Variants in QSOX2 observed in about 807,000 individuals in gnomAD.
The protein encoded by QSOX2 is quiescin sulfhydryl oxidase 2.
QSOX2 carries 46 observed loss-of-function variants against 61.7 expected under a neutral mutation model. That is an observed-to-expected ratio of 0.75 (90% CI 0.59 to 0.95). The LOEUF (loss-of-function observed/expected upper bound fraction) is 0.95, where lower values mean the gene tolerates loss of function less well. Ranked by LOEUF, QSOX2 falls within the 40% of genes least tolerant of loss-of-function variation. QSOX2 has a pLI of 0.00. For synonymous variants in QSOX2, 383 were observed against 388.4 expected (o/e 0.99, Z 0.16); for missense variants, 879 against 918.9 (o/e 0.96, Z 0.56).
At chr9:136,233,208 G>A (rs1258990196) in intron 1 of QSOX2, among the ~76,000 whole-genome samples, 1 of 152,202 alleles carries the variant, frequency 6.6e-6, no homozygotes, top group Non-Finnish European at 1.5e-5. Context: ...TCTTCTGGTT[G>A]CACGAGAAGG....
At position 136,223,964 on chromosome 9, in the gene QSOX2, T is replaced by G. The variant is rs541431401; in HGVS notation, c.584+43A>C. 1 of 1,590,174 alleles carries G rather than the reference T, an allele frequency of 6.3e-7. No individual in the cohort carries two copies. The highest frequency in any genetic ancestry group is 1.1e-5 in the South Asian group (1 of 90,414). On this transcript the variant is annotated intron_variant, in intron 4 of 11. Transcript: ENST00000358701. This position sits in a 1 kb window ranked among gnomAD's most constrained non-coding sequence, Gnocchi z 4.4. The stretch of plus-strand genomic sequence containing the variant: ...AAACCTATTACGTTTCTTGCACAGT[T>G]CAACACGAGTCTAACGGCCGCCTTC...
chr9:136,235,991 G>A (rs908909166), intron 1 of QSOX2, among the ~76,000 whole-genome samples: 20 of 152,314 alleles, frequency 1.3e-4, no homozygotes, highest in Middle Eastern at 3.4e-3. Flanking sequence ...CGCAGCCACC[G>A]TAGCTGAGGG....
At chr9:136,242,649 C>T (rs186156988) in intron 1 of QSOX2, among the ~76,000 whole-genome samples, 48 of 152,396 alleles carry the variant, frequency 3.1e-4, no homozygotes, top group African/African-American at 8.2e-4. Flanking sequence ...GACAGCTCCA[C>T]GCAGGGATGA....
chr9:136,218,317 C>T (rs573466556), intron 8 of QSOX2, among the ~76,000 whole-genome samples: 2 of 152,244 alleles, frequency 1.3e-5, no homozygotes, highest in Non-Finnish European at 2.9e-5. Flanking sequence ...CTCCCTCTCT[C>T]TCTCCCCCCA....
Position 136,223,708 on chromosome 9 carries a change from C to T in QSOX2, c.675+55G>A. On this transcript the variant is annotated intron_variant, in intron 5 of 11. Coordinates refer to ENST00000358701, the MANE Select transcript of QSOX2 (RefSeq NM_181701.4). The surrounding 1 kb of genome is among the most constrained non-coding windows in gnomAD (Gnocchi z 4.4). Reference sequence around the variant, plus strand: ...ACCTGCAAATCTCATCACAGATCCACCGCCAACCCCAATCACACCACGTGT... The same window carrying T: ...ACCTGCAAATCTCATCACAGATCCATCGCCAACCCCAATCACACCACGTGT... The T allele has an allele frequency of 1.3e-5, 19 of 1,428,916 alleles. 1 individual carries two copies. The South Asian group carries it at 1.9e-4, about 14-fold the overall frequency. 88.5% of individuals were successfully genotyped at this position (1,428,916 alleles called of 1,614,324 possible).
intron 1 of QSOX2, 66 bp downstream of exon 1, chr9:136,245,410 C>T: frequency 3.6e-6 from 5 of 1,403,892 alleles, no homozygotes; most frequent in Non-Finnish European, 4.8e-6. Context: ...CTGGGGCGGT[C>T]GCAAGGGGTC....
chr9:136,227,585 G>A (rs1457737290), intron 1 of QSOX2, among the ~76,000 whole-genome samples: 2 of 152,200 alleles, frequency 1.3e-5, no homozygotes, highest in Non-Finnish European at 2.9e-5. Flanking sequence ...GGTGAATCCT[G>A]TTTTGCCAAA....
chr9:136,230,236 G>A (rs1273828921), intron 1 of QSOX2, among the ~76,000 whole-genome samples: 7 of 152,176 alleles, frequency 4.6e-5, no homozygotes, highest in South Asian at 2.1e-4. Context: ...CCAAGATAGC[G>A]CCACTGCACT....
chr9:136,225,928 C>T (rs1053480140), intron 2 of QSOX2, among the ~76,000 whole-genome samples: 3 of 152,250 alleles, frequency 2.0e-5, no homozygotes, highest in Non-Finnish European at 4.4e-5. Flanking sequence ...CGTAATCACA[C>T]GCAGAGGCAG....
In QSOX2 at chr9:136,222,886, C is replaced by T. The variant is rs1267707109; in HGVS notation, c.675+877G>A. On this transcript the variant is annotated intron_variant, in intron 5 of 11. Transcript: ENST00000358701. The surrounding 1 kb of genome is among the most constrained non-coding windows in gnomAD (Gnocchi z 6.9). ...ACAGGGGTGAGGGGTCTGGGAGAGCCACACACTGCTAGCGGTTCCTCAGCC... is the reference window on the plus strand; with the variant it reads ...ACAGGGGTGAGGGGTCTGGGAGAGCTACACACTGCTAGCGGTTCCTCAGCC... Among the ~76,000 whole-genome samples the T allele has an allele frequency of 1.3e-5, 2 of 152,206 alleles. No homozygotes were observed. The highest frequency in any genetic ancestry group is 2.9e-5 in the Non-Finnish European group (2 of 68,036).
intron 1 of QSOX2, 69 bp downstream of exon 1, chr9:136,245,407 G>C: frequency 7.4e-7 from 1 of 1,345,422 alleles, no homozygotes; most frequent in Non-Finnish European, 1.0e-6. Flanking sequence ...CTTCTGGGGC[G>C]GTCGCAAGGG....
intron 1 of QSOX2, among the ~76,000 whole-genome samples, chr9:136,240,678 A>G (rs1187474177): frequency 6.6e-6 from 1 of 152,196 alleles, no homozygotes; most frequent in Non-Finnish European, 1.5e-5. Flanking sequence ...AGAGCCTAAC[A>G]CAAATCACCT....
intron 6 of QSOX2, among the ~76,000 whole-genome samples, chr9:136,219,564 C>T (rs370023373): frequency 6.6e-6 from 1 of 152,172 alleles, no homozygotes; most frequent in African/African-American, 2.4e-5. Context: ...ATCTGGAAGT[C>T]GGGGCCTGGG....
rs748605467 is a variant in QSOX2 at position 136,221,860 on chromosome 9, C to T, written c.757G>A (p.Gly253Ser). ...TAACACGAAGGGACTGAAGAAACACCAAGTTTCTCCAGAAATGCTTTGTCC... is the reference window on the plus strand; with the variant it reads ...TAACACGAAGGGACTGAAGAAACACTAAGTTTCTCCAGAAATGCTTTGTCC... ...DGDKAFLEKLGVSSVPSCYLI... is the reference protein window; with the variant it reads ...DGDKAFLEKLSVSSVPSCYLI... The change falls in exon 6 of 12, where the codon GGT (glycine) becomes AGT (serine). Residue 253 changes from glycine (G) to serine (S), a missense_variant. Transcript: ENST00000358701. This position sits in a 1 kb window ranked among gnomAD's most constrained non-coding sequence, Gnocchi z 4.5. 6.2e-7 allele frequency: 1 copy of T among 1,612,804 alleles called. No homozygotes were observed.
intron 1 of QSOX2, among the ~76,000 whole-genome samples, chr9:136,241,299 G>T (rs568775932): frequency 1.3e-5 from 2 of 152,304 alleles, no homozygotes; most frequent in African/African-American, 4.8e-5. Flanking sequence ...CAGCTCTCAC[G>T]GGCCGTCAGC....
rs747586741 is a variant in QSOX2, at chr9:136,223,905, GCCA to G, written c.585-55_585-53del. 9.5e-6 allele frequency: 15 copies of G among 1,585,436 alleles called. No individual in the cohort carries two copies. Among genetic ancestry groups the G allele is most frequent in the East Asian group, 2.2e-5 (1 of 44,744 alleles). ...TAGTGCCGTCAACAGCAGCGAGTTG[GCCA>G]CCACATCCCAGTGGCCACATCACTT... On this transcript the variant is annotated intron_variant, in intron 4 of 11. Transcript: ENST00000358701. The surrounding 1 kb of genome is among the most constrained non-coding windows in gnomAD (Gnocchi z 4.4).
intron 11 of QSOX2, chr9:136,211,025 G>GCTC: frequency 1.8e-6 from 1 of 560,960 alleles, no homozygotes; most frequent in Non-Finnish European, 2.3e-6. Flanking sequence ...ATTTCCACGG[G>GCTC]GTCGAAGAGC....
chr9:136,245,385 C>T, intron 1 of QSOX2, 91 bp downstream of exon 1: 1 of 1,124,574 alleles, frequency 8.9e-7, no homozygotes, highest in Non-Finnish European at 1.2e-6. Flanking sequence ...GGGGAGGGGC[C>T]CCGGGACCCG....
chr9:136,208,560 A>G lies in QSOX2; in HGVS notation c.*168T>C. The G allele has an allele frequency of 1.4e-6, 1 of 713,452 alleles. No homozygotes were observed. The highest frequency in any genetic ancestry group is 3.2e-5 in the Admixed American group (1 of 30,824). 44.2% of individuals were successfully genotyped at this position (713,452 alleles called of 1,614,324 possible). A position where few individuals can be genotyped will look rare whatever the true frequency, so the allele number is the denominator to read the frequency against. Reference sequence around the variant, plus strand: ...AATTACCCCGTGTTCTTCCCTTGTTAGAAGAGCGTTTGTAAAACCAGGACT... The same window carrying G: ...AATTACCCCGTGTTCTTCCCTTGTTGGAAGAGCGTTTGTAAAACCAGGACT... On this transcript the variant is annotated 3_prime_UTR_variant, in exon 12 of 12. Transcript: ENST00000358701.
Sources: gnomAD v4.1 joint callset for allele counts (sites outside exome capture counted in the v4.1 genomes callset) on GRCh38, gnomAD v4.1.1 for gene constraint, Gnocchi (gnomAD v3.1) non-coding constraint, MANE v1.5 for transcripts, NCBI Gene and HGNC (gene_info 2026-07-23, HGNC 2026-07-21) for gene names.